Variants in AKAP13 observed in about 807,000 individuals in gnomAD.
AKAP13 encodes A-kinase anchoring protein 13.
AKAP13 carries 80 observed loss-of-function variants against 264.5 expected under a neutral mutation model. The observed-to-expected ratio is 0.30, with a 90% CI of 0.25 to 0.36. The LOEUF (loss-of-function observed/expected upper bound fraction) is 0.36, where lower values mean the gene tolerates loss of function less well. Among genes scored for constraint, AKAP13 ranks in the 10% least tolerant of loss-of-function variants. The probability of loss-of-function intolerance (pLI) is 1.00; values close to 1 mark genes in which losing one functional copy is unlikely to be tolerated. For synonymous variants in AKAP13, 1,380 were observed against 1,250.2 expected (o/e 1.10, Z -2.19); for missense variants, 3,712 against 3,435.2 (o/e 1.08, Z -2.01).
At chr15:85,649,313 T>G (rs559009546) in intron 10 of AKAP13, among the ~76,000 whole-genome samples, 3 of 152,260 alleles carry the variant, frequency 2.0e-5, no homozygotes, top group African/African-American at 7.2e-5. Context: ...ATTTTTTATT[T>G]TACTCTCAAC....
intron 3 of AKAP13, among the ~76,000 whole-genome samples, chr15:85,522,916 A>AC (rs2076875212): frequency 1.3e-5 from 1 of 79,198 alleles, no homozygotes; most frequent in Non-Finnish European, 2.6e-5. Context: ...CACCCCCCCC[A>AC]CCCCCACCCA....
Position 85,560,332 on chromosome 15 carries a change from G to T in AKAP13, c.663-14799G>T, listed in dbSNP as rs142702393. Among the ~76,000 whole-genome samples the T allele has an allele frequency of 3.5e-3, 532 of 151,896 alleles. 5 individuals carry two copies. The highest frequency in any genetic ancestry group is 1.6e-3 in the Non-Finnish European group (110 of 67,952). On this transcript the variant is annotated intron_variant, in intron 5 of 36. Coordinates refer to ENST00000394518, the MANE Select transcript of AKAP13 (RefSeq NM_007200.5). ...GGGCTAATTTTTTTTTGCAAAGAGT[G>T]GGGGTGGTCTCCCTGTTTTGCCCAG...
intron 10 of AKAP13, 79 bp from the exon 11 acceptor site, chr15:85,655,338 A>G (rs545598085): frequency 3.9e-6 from 6 of 1,525,232 alleles, no homozygotes; most frequent in African/African-American, 1.4e-5. Flanking sequence ...CTGAGAAGCC[A>G]TTGGCTTGAT....
At chr15:85,577,473 A>G (rs1462860972) in intron 6 of AKAP13, among the ~76,000 whole-genome samples, 3 of 152,238 alleles carry the variant, frequency 2.0e-5, no homozygotes, top group Non-Finnish European at 4.4e-5. Flanking sequence ...ACCTTGCTGC[A>G]TGCACATGGG....
intron 1 of AKAP13, chr15:85,381,794 G>A (rs1363165195): frequency 6.6e-6 from 1 of 152,020 alleles, no homozygotes; most frequent in Non-Finnish European, 1.5e-5. Context: ...CTTCAGTACA[G>A]TAAAAACCAG....
At chr15:85,522,121 G>T (rs968885705) in intron 3 of AKAP13, among the ~76,000 whole-genome samples, 2 of 152,170 alleles carry the variant, frequency 1.3e-5, no homozygotes, top group African/African-American at 2.4e-5. Context: ...GTACCATCCA[G>T]TATCACCATT....
At position 85,550,394 on chromosome 15, in the gene AKAP13, A is replaced by G. The variant is rs536263547; in HGVS notation, c.662+6439A>G. On this transcript the variant is annotated intron_variant, in intron 5 of 36. Coordinates refer to ENST00000394518, the MANE Select transcript of AKAP13 (RefSeq NM_007200.5). ...GACAAGCTCTAGGTACTCAGTCATG[A>G]TTTACTGTAGTGGGCACTATTGGCC... Among the ~76,000 whole-genome samples the G allele has an allele frequency of 5.3e-5, 8 of 152,230 alleles. No homozygotes were observed. In the South Asian group the frequency reaches 1.7e-3, roughly 32 times the overall value.
rs1597219051 is a variant in AKAP13, at chr15:85,734,993, G to A, written c.7284G>A (p.Val2428=). The stretch of plus-strand genomic sequence containing the variant: ...CTTTGCATGTTTCCTTTATTCCAGT[G>A]GAGATCCTTCAGGGTTTGGTGAGTG... ...GPLMKSAINE[V]EILQGLVSGN... The change falls in exon 31 of 37, where the codon GTG becomes GTA. Residue 2428 remains valine, a splice_region_variant and synonymous_variant. Coordinates refer to ENST00000394518, the MANE Select transcript of AKAP13 (RefSeq NM_007200.5). 1.2e-6 allele frequency: 2 copies of A among 1,613,196 alleles called. No individual in the cohort carries two copies. Among genetic ancestry groups the A allele is most frequent in the East Asian group, 4.5e-5 (2 of 44,870 alleles).
intron 8 of AKAP13, 57 bp downstream of exon 8, chr15:85,585,880 T>G: frequency 6.3e-7 from 1 of 1,588,878 alleles, no homozygotes; most frequent in Non-Finnish European, 8.6e-7. Context: ...TGTTCTGCTG[T>G]GTCTTATTTA....
At chr15:85,715,022 A>T (rs1335029093) in intron 19 of AKAP13, among the ~76,000 whole-genome samples, 2 of 152,308 alleles carry the variant, frequency 1.3e-5, no homozygotes, top group Non-Finnish European at 2.9e-5. Flanking sequence ...AAAATATGTA[A>T]TACTCCCACA....
At chr15:85,414,914 C>G (rs2072163637) in intron 1 of AKAP13, among the ~76,000 whole-genome samples, 1 of 148,368 alleles carries the variant, frequency 6.7e-6, no homozygotes, top group South Asian at 2.1e-4. Flanking sequence ...AAAATGGATT[C>G]TGGGATTGTT....
At chr15:85,679,016 G>A (rs369846720) in intron 14 of AKAP13, among the ~76,000 whole-genome samples, 4 of 152,022 alleles carry the variant, frequency 2.6e-5, no homozygotes, top group East Asian at 1.9e-4. Flanking sequence ...TGAGGTGGGC[G>A]GATCACGAGG....
intron 9 of AKAP13, among the ~76,000 whole-genome samples, chr15:85,640,782 G>C (rs972782029): frequency 1.3e-5 from 2 of 152,138 alleles, no homozygotes; most frequent in African/African-American, 4.8e-5. Flanking sequence ...CCAAGTAAAG[G>C]TTAAATGAGG....
chr15:85,381,520 G>GGTTT (rs1567029535), intron 1 of AKAP13, among the ~76,000 whole-genome samples: 1 of 44,768 alleles, frequency 2.2e-5, no homozygotes, highest in Non-Finnish European at 5.2e-5. Context: ...ACGGTTTACT[G>GGTTT]CTTTTTTTTT....
At chr15:85,673,406 G>A (rs890277053) in intron 14 of AKAP13, among the ~76,000 whole-genome samples, 3 of 152,168 alleles carry the variant, frequency 2.0e-5, no homozygotes, top group South Asian at 2.1e-4. Flanking sequence ...GTGACTTGCC[G>A]GCAATTTTTT....
chr15:85,434,355 G>T (rs1159323061), intron 1 of AKAP13, among the ~76,000 whole-genome samples: 7 of 152,342 alleles, frequency 4.6e-5, no homozygotes, highest in Non-Finnish European at 1.0e-4. Context: ...TAGCACAGCA[G>T]TCTGAAATCA....
At chr15:85,488,294 G>T (rs889494652) in intron 2 of AKAP13, among the ~76,000 whole-genome samples, 8 of 152,300 alleles carry the variant, frequency 5.3e-5, no homozygotes, top group South Asian at 4.1e-4. Flanking sequence ...TGATAATGCT[G>T]CACAATCTTT....
intron 5 of AKAP13, among the ~76,000 whole-genome samples, chr15:85,564,063 G>A (rs534144974): frequency 1.1e-3 from 164 of 152,244 alleles, no homozygotes; most frequent in African/African-American, 3.9e-3. Flanking sequence ...CACTTTGAAG[G>A]ACTGATAAGA....
At chr15:85,389,252 T>C (rs1056426672) in intron 1 of AKAP13, among the ~76,000 whole-genome samples, 4 of 152,194 alleles carry the variant, frequency 2.6e-5, no homozygotes, top group African/African-American at 9.7e-5. Context: ...ACTCTGCAAT[T>C]TTCAAACTCC....
Sources: allele counts gnomAD v4.1 joint callset (sites outside exome capture counted in the v4.1 genomes callset), GRCh38; gene constraint gnomAD v4.1.1; transcripts MANE v1.5; gene names NCBI Gene and HGNC (gene_info 2026-07-23, HGNC 2026-07-21).